The following NRG1 variants were observed in gnomAD, a reference collection of about 807,000 sequenced individuals.
NRG1 encodes the protein pro-neuregulin-1, membrane-bound isoform.
Under a neutral mutation model 63.8 loss-of-function variants are expected in NRG1, and 18 were observed. The observed-to-expected ratio is 0.28, with a 90% CI of 0.19 to 0.42. The LOEUF is 0.42. Ranked by LOEUF, NRG1 falls within the 10% of genes least tolerant of loss-of-function variation. The probability of loss-of-function intolerance (pLI) is 1.00; values close to 1 mark genes in which losing one functional copy is unlikely to be tolerated. For missense variants in NRG1, 762 were observed against 814.7 expected (o/e 0.94, Z 0.79); for synonymous variants, 302 against 301.3 (o/e 1.00, Z -0.02).
chr8:31,738,645 A>G (rs1225089809), intron 1 of NRG1, among the ~76,000 whole-genome samples: 1 of 152,080 alleles, frequency 6.6e-6, no homozygotes, highest in African/African-American at 2.4e-5. Flanking sequence ...AAAACAACAG[A>G]AACCAAAATC....
chr8:32,370,102 T>C (rs961955515), intron 1 of NRG1, among the ~76,000 whole-genome samples: 2 of 152,120 alleles, frequency 1.3e-5, no homozygotes, highest in African/African-American at 4.8e-5. Flanking sequence ...GCAACAGATA[T>C]AAAAAGCCAG....
At chr8:32,441,227 T>G (rs1327382588) in intron 1 of NRG1, 1 of 152,172 alleles carries the variant, frequency 6.6e-6, no homozygotes, top group Non-Finnish European at 1.5e-5. Context: ...ATGTTTTAGG[T>G]TATGTTTCTA....
intron 6 of NRG1, among the ~76,000 whole-genome samples, chr8:32,735,123 C>A (rs1377309469): frequency 1.3e-5 from 2 of 152,154 alleles, no homozygotes; most frequent in African/African-American, 4.8e-5. Context: ...AGTATGCAGT[C>A]ATACTCTTCA....
At chr8:32,770,341 C>G (rs533070145), downstream of NRG1, among the ~76,000 whole-genome samples, 1 of 152,282 alleles carries the variant, frequency 6.6e-6, no homozygotes, top group South Asian at 2.1e-4. Context: ...AGGTTAAAAT[C>G]TTTCTTGGAG....
chr8:32,007,255 A>G (rs1813927029), intron 1 of NRG1, among the ~76,000 whole-genome samples: 1 of 152,058 alleles, frequency 6.6e-6, no homozygotes, highest in African/African-American at 2.4e-5. Flanking sequence ...AGAAGCCAAG[A>G]TGAAGGATTT....
intron 1 of NRG1, among the ~76,000 whole-genome samples, chr8:32,141,584 G>A (rs1412912135): frequency 1.9e-5 from 2 of 106,700 alleles, no homozygotes; most frequent in Non-Finnish European, 3.7e-5. Flanking sequence ...CATATCCTAT[G>A]TGTGTGGGTA....
chr8:32,506,289 G>C (rs1433621432), intron 1 of NRG1, among the ~76,000 whole-genome samples: 4 of 152,078 alleles, frequency 2.6e-5, no homozygotes, highest in Non-Finnish European at 4.4e-5. Context: ...AGAGCATGCT[G>C]TTACTAGATC....
chr8:32,322,019 T>C (rs1801449452), intron 1 of NRG1, among the ~76,000 whole-genome samples: 1 of 152,090 alleles, frequency 6.6e-6, no homozygotes, highest in South Asian at 2.1e-4. Flanking sequence ...TTTAAAATTT[T>C]TTAAATGACA....
Position 32,486,627 on chromosome 8 carries a change from A to AAT in NRG1, c.38-109201_38-109200insAT, listed in dbSNP as rs71208187. On this transcript the variant is annotated intron_variant, in intron 1 of 10. Coordinates refer to the NRG1 transcript ENST00000519301. ...CCTCAAGAGGCTACAGAATTGCTGG[A>AAT]TTTTTTTTTTTTTTTGGAATGGAGT... 1.4e-4 allele frequency among the ~76,000 whole-genome samples: 20 copies of AAT among 145,544 alleles called. 2 individuals carry two copies. Among genetic ancestry groups the AAT allele is most frequent in the Non-Finnish European group, 2.1e-4 (14 of 66,772 alleles).
chr8:32,400,152 C>A (rs959156570), intron 1 of NRG1, among the ~76,000 whole-genome samples: 1 of 152,196 alleles, frequency 6.6e-6, no homozygotes, highest in Admixed American at 6.5e-5. Context: ...CCTACATTAA[C>A]CCGAGCCTAA....
chr8:32,714,355 A>ATGGTATT (rs1554645687), intron 5 of NRG1, among the ~76,000 whole-genome samples: 1 of 152,264 alleles, frequency 6.6e-6, no homozygotes, highest in African/African-American at 2.4e-5. Context: ...AAAGAATAAA[A>ATGGTATT]TGGTATTTTT....
intron 1 of NRG1, among the ~76,000 whole-genome samples, chr8:31,867,473 C>G (rs1829065253): frequency 6.6e-6 from 1 of 151,316 alleles, no homozygotes; most frequent in South Asian, 2.2e-4. Flanking sequence ...CAGTTTCAAT[C>G]TTGGTGATGA....
chr8:32,194,809 CT>C (rs1471123457), intron 1 of NRG1, among the ~76,000 whole-genome samples: 3 of 152,138 alleles, frequency 2.0e-5, no homozygotes, highest in South Asian at 4.1e-4. Flanking sequence ...TCTTACTCTA[CT>C]TTTTTGAATA....
At chr8:32,243,471 G>A (rs1382203892) in intron 1 of NRG1, among the ~76,000 whole-genome samples, 4 of 151,320 alleles carry the variant, frequency 2.6e-5, no homozygotes, top group East Asian at 1.9e-4. Context: ...ATTGGATTAG[G>A]GCCCACCCTA....
rs565020370 is a variant in NRG1, at chr8:31,726,785, A to T, written c.37+87354A>T. 0.024 allele frequency among the ~76,000 whole-genome samples: 227 copies of T among 9,344 alleles called. No homozygotes were observed. In the Non-Finnish European group the frequency reaches 0.31, roughly 13 times the overall value. The allele number at this position is 9,344 out of a possible 152,430, so 6.1% of individuals were successfully genotyped here. ...AGAGTTGTCCTGGAATGAGGCAAGG[A>T]GGAGGGTTTGTACCCTTGCATTCAT... On this transcript the variant is annotated intron_variant, in intron 1 of 10. Transcript: ENST00000519301.
chr8:32,345,517 C>A (rs920080157), intron 1 of NRG1, among the ~76,000 whole-genome samples: 1 of 152,134 alleles, frequency 6.6e-6, no homozygotes, highest in African/African-American at 2.4e-5. Context: ...CCTATACAGG[C>A]CAGTGGAGTC....
intron 5 of NRG1, among the ~76,000 whole-genome samples, chr8:32,721,277 A>G (rs1820559141): frequency 6.6e-6 from 1 of 152,224 alleles, no homozygotes; most frequent in Admixed American, 6.5e-5. Context: ...TGATAGTCCT[A>G]TCATTCTATA....
intron 1 of NRG1, among the ~76,000 whole-genome samples, chr8:32,225,087 A>G (rs1846185935): frequency 6.6e-6 from 1 of 152,208 alleles, no homozygotes; most frequent in African/African-American, 2.4e-5. Context: ...AGCATTTAAA[A>G]TTGAGTCTTG....
intron 5 of NRG1, among the ~76,000 whole-genome samples, chr8:32,727,030 T>A (rs1282761892): frequency 6.6e-6 from 1 of 152,106 alleles, no homozygotes; most frequent in Non-Finnish European, 1.5e-5. Context: ...AGACTATTTT[T>A]GGTTGGGACT....
Sources: allele counts gnomAD v4.1 joint callset (sites outside exome capture counted in the v4.1 genomes callset), GRCh38; gene constraint gnomAD v4.1.1; transcripts MANE v1.5; gene names NCBI Gene and HGNC (gene_info 2026-07-23, HGNC 2026-07-21).